KCNK13: variants seen among roughly 807,000 people sequenced by gnomAD.
The protein encoded by KCNK13 is potassium channel subfamily K member 13.
In KCNK13, 12 loss-of-function variants were observed where a neutral mutation model predicts 23.4. The observed-to-expected ratio is 0.51, with a 90% CI of 0.33 to 0.83. The LOEUF is 0.83. Among genes scored for constraint, KCNK13 ranks in the 40% least tolerant of loss-of-function variants. KCNK13 has a pLI of 0.02. For synonymous variants in KCNK13, 231 were observed against 229.5 expected, an observed-to-expected ratio of 1.01 and a Z score of -0.06; for missense variants, 463 against 556.3, an observed-to-expected ratio of 0.83 and a Z score of 1.69.
chr14:90,165,316 C>G (rs536276088), intron 1 of KCNK13, among the ~76,000 whole-genome samples: 1 of 152,228 alleles, frequency 6.6e-6, no homozygotes, highest in South Asian at 2.1e-4. Context: ...GGCTGGGACC[C>G]ACCCTAGGCC....
At chr14:90,111,977 G>A (rs1596782937) in intron 1 of KCNK13, among the ~76,000 whole-genome samples, 2 of 152,112 alleles carry the variant, frequency 1.3e-5, no homozygotes, top group South Asian at 4.1e-4. Flanking sequence ...TAGGCTAGTC[G>A]TTCAGCAGAA....
chr14:90,089,361 G>T (rs1032321608), intron 1 of KCNK13, among the ~76,000 whole-genome samples: 3 of 152,206 alleles, frequency 2.0e-5, no homozygotes, highest in Non-Finnish European at 4.4e-5. Context: ...TTTTGCCCCT[G>T]CCCTAGAGAT....
intron 1 of KCNK13, among the ~76,000 whole-genome samples, chr14:90,182,727 A>C (rs1320620419): frequency 6.6e-6 from 1 of 151,986 alleles, no homozygotes; most frequent in East Asian, 1.9e-4. Flanking sequence ...AGGCTGAGGC[A>C]GGAGGATCAC....
intron 1 of KCNK13, among the ~76,000 whole-genome samples, chr14:90,074,061 C>T (rs1298883784): frequency 2.0e-5 from 3 of 152,082 alleles, no homozygotes; most frequent in Non-Finnish European, 4.4e-5. Flanking sequence ...CTCCGCCTGC[C>T]CAGGTTCAAG....
At position 90,184,942 on chromosome 14, in the gene KCNK13, G is replaced by T. The variant is rs35909577; in HGVS notation, c.1166G>T (p.Gly389Val). 1.4e-5 allele frequency: 22 copies of T among 1,612,426 alleles called. No individual in the cohort carries two copies. Among genetic ancestry groups the T allele is most frequent in the Middle Eastern group, 1.6e-4 (1 of 6,076 alleles). The change falls in exon 2 of 2, where the codon GGG (glycine) becomes GTG (valine). Residue 389 changes from glycine (G) to valine (V), a missense_variant. Around this residue, in one of 3 missense-constraint regions of KCNK13, gnomAD observed 166 missense variants for 178.8 expected, o/e 0.93. Coordinates refer to ENST00000282146, the MANE Select transcript of KCNK13 (RefSeq NM_022054.4). This position sits in a 1 kb window ranked among gnomAD's most constrained non-coding sequence, Gnocchi z 5.6. ...STLARDNEFS[G>V]GVGAFAIMNN... ...CTGGCCCGGGACAATGAATTCTCAG[G>T]GGGGGTGGGAGCCTTTGCAATCATG...
At chr14:90,182,493 G>C (rs1335209859) in intron 1 of KCNK13, among the ~76,000 whole-genome samples, 1 of 152,126 alleles carries the variant, frequency 6.6e-6, no homozygotes, top group African/African-American at 2.4e-5. Flanking sequence ...TGATCCAAAC[G>C]ATGGGACCCA....
chr14:90,062,134 C>A lies in KCNK13; in HGVS notation c.-72C>A, dbSNP rs969045442. The A allele has an allele frequency of 1.9e-6, 2 of 1,044,110 alleles. No homozygotes were observed. The highest frequency in any genetic ancestry group is 1.7e-5 in the African/African-American group (1 of 59,630). The allele number at this position is 1,044,110 out of a possible 1,614,324, so 64.7% of individuals were successfully genotyped here. A position where few individuals can be genotyped will look rare whatever the true frequency, so the allele number is the denominator to read the frequency against. On this transcript the variant is annotated 5_prime_UTR_variant, in exon 1 of 2. Coordinates refer to ENST00000282146, the MANE Select transcript of KCNK13 (RefSeq NM_022054.4). This position sits in a 1 kb window ranked among gnomAD's most constrained non-coding sequence, Gnocchi z 4.5. ...TGGCTGAGCGCCGGGGCCCTTATTT[C>A]CCGGGGGTGTGGGCGAGACTCCGCC...
intron 1 of KCNK13, among the ~76,000 whole-genome samples, chr14:90,078,806 T>C (rs1459017958): frequency 1.3e-5 from 2 of 152,210 alleles, no homozygotes; most frequent in South Asian, 2.1e-4. Context: ...GCCTAGGGGC[T>C]GTTTGGGAAG....
intron 1 of KCNK13, among the ~76,000 whole-genome samples, chr14:90,179,664 G>T (rs1358862051): frequency 6.6e-6 from 1 of 152,100 alleles, no homozygotes; most frequent in Non-Finnish European, 1.5e-5. Flanking sequence ...TCCCAGACTC[G>T]GGCTGAACAC....
chr14:90,147,530 T>G (rs1489858957), intron 1 of KCNK13, among the ~76,000 whole-genome samples: 2 of 152,130 alleles, frequency 1.3e-5, no homozygotes, highest in Admixed American at 1.3e-4. Flanking sequence ...GCAGACATCT[T>G]TTCTTAGATT....
At chr14:90,121,008 G>A (rs1017305871) in intron 1 of KCNK13, among the ~76,000 whole-genome samples, 1 of 152,068 alleles carries the variant, frequency 6.6e-6, no homozygotes, top group Non-Finnish European at 1.5e-5. Flanking sequence ...GTTGTTGAGG[G>A]AGAGATGGTG....
At chr14:90,165,863 C>T (rs1350935798) in intron 1 of KCNK13, among the ~76,000 whole-genome samples, 1 of 152,202 alleles carries the variant, frequency 6.6e-6, no homozygotes, top group African/African-American at 2.4e-5. Context: ...AAACACAGCA[C>T]TAAATGCCCC....
At chr14:90,140,528 C>T (rs953625878) in intron 1 of KCNK13, among the ~76,000 whole-genome samples, 7 of 152,094 alleles carry the variant, frequency 4.6e-5, no homozygotes, top group East Asian at 3.9e-4. Context: ...AGACGAGTCC[C>T]CTCTCTCTAA....
chr14:90,062,662 T>C lies in KCNK13; in HGVS notation c.334+123T>C, dbSNP rs1051568528. On this transcript the variant is annotated intron_variant, in intron 1 of 1. Transcript: ENST00000282146. The surrounding 1 kb of genome is among the most constrained non-coding windows in gnomAD (Gnocchi z 4.5). ...GGCGCCCAGCCAGACTCCACTGACA[T>C]GAGCTGTCGCCTGATCAACAGGTGG... 4.1e-5 allele frequency: 29 copies of C among 704,550 alleles called. No individual in the cohort carries two copies. Among genetic ancestry groups the C allele is most frequent in the Admixed American group, 2.4e-4 (7 of 29,622 alleles). 43.6% of individuals were successfully genotyped at this position (704,550 alleles called of 1,614,324 possible). A position where few individuals can be genotyped will look rare whatever the true frequency, so the allele number is the denominator to read the frequency against.
chr14:90,062,189 C>A lies in KCNK13; in HGVS notation c.-17C>A. 2 of 1,375,402 alleles carry A rather than the reference C, an allele frequency of 1.5e-6. No homozygotes were observed. Among genetic ancestry groups the A allele is most frequent in the Non-Finnish European group, 1.9e-6 (2 of 1,066,804 alleles). The allele number at this position is 1,375,402 out of a possible 1,614,324, so 85.2% of individuals were successfully genotyped here. On this transcript the variant is annotated 5_prime_UTR_variant, in exon 1 of 2. Transcript: ENST00000282146. The surrounding 1 kb of genome is among the most constrained non-coding windows in gnomAD (Gnocchi z 4.5). ...CCCGGTGCCGTGGGCCTGGGGGCTG[C>A]CCCCGGGGGCCCGGCCATGGCTGGC...
intron 1 of KCNK13, among the ~76,000 whole-genome samples, chr14:90,074,972 T>C (rs549916165): frequency 6.6e-6 from 1 of 152,268 alleles, no homozygotes; most frequent in East Asian, 1.9e-4. Context: ...TTTTAGACCA[T>C]CTCTTTAGTT....
In KCNK13 at chr14:90,184,341, G is replaced by A. The variant is rs747259528; in HGVS notation, c.565G>A (p.Gly189Ser). 41 of 1,614,118 alleles carry A rather than the reference G, an allele frequency of 2.5e-5. No homozygotes were observed. Among genetic ancestry groups the A allele is most frequent in the Middle Eastern group, 1.6e-4 (1 of 6,084 alleles). The part of the protein sequence containing the change: ...AGQCEVDSLA[G>S]WKPSVYYVML... ...GCAGTGTGAGGTGGACAGCCTGGCC[G>A]GCTGGAAGCCCTCCGTGTACTACGT... Residue 189 changes from glycine to serine, a missense_variant, in exon 2 of 2, where the codon GGC becomes AGC. Physicochemically the swap from Gly to Ser is moderately conservative, Grantham distance 56. This residue lies in a region of KCNK13 where 144 missense variants were observed against 224.0 expected (regional missense o/e 0.64). Transcript: ENST00000282146. The surrounding 1 kb of genome is among the most constrained non-coding windows in gnomAD (Gnocchi z 5.6).
At chr14:90,134,970 G>A (rs111621323) in intron 1 of KCNK13, among the ~76,000 whole-genome samples, 9 of 152,316 alleles carry the variant, frequency 5.9e-5, no homozygotes, top group African/African-American at 1.7e-4. Context: ...CCTGCTCATC[G>A]TAGACATGAC....
chr14:90,105,497 A>T (rs1193188534), intron 1 of KCNK13, among the ~76,000 whole-genome samples: 1 of 152,194 alleles, frequency 6.6e-6, no homozygotes, highest in African/African-American at 2.4e-5. Flanking sequence ...GTTTTTATAC[A>T]GTTGATGGGG....
Sources: gnomAD v4.1 joint callset for allele counts (sites outside exome capture counted in the v4.1 genomes callset) on GRCh38, gnomAD v4.1.1 for gene constraint, gnomAD v4.1.1 regional missense constraint, Gnocchi (gnomAD v3.1) non-coding constraint, MANE v1.5 for transcripts, NCBI Gene and HGNC (gene_info 2026-07-23, HGNC 2026-07-21) for gene names.